EPHA3: variants seen among roughly 807,000 people sequenced by gnomAD.
The protein encoded by EPHA3 is EPH receptor A3, also known as ephrin type-A receptor 3.
EPHA3 carries 42 observed loss-of-function variants against 107.1 expected under a neutral mutation model. That is an observed-to-expected ratio of 0.39 (90% CI 0.31 to 0.51). The LOEUF (loss-of-function observed/expected upper bound fraction) is 0.51. Among genes scored for constraint, EPHA3 ranks in the 20% least tolerant of loss-of-function variants. The probability of loss-of-function intolerance (pLI) is 0.78; values close to 1 mark genes in which losing one functional copy is unlikely to be tolerated. For synonymous variants in EPHA3, 461 were observed against 424.8 expected (o/e 1.09, Z -1.05); for missense variants, 1,183 against 1,211.2 (o/e 0.98, Z 0.35).
At chr3:89,235,371 T>G (rs1403241764) in intron 3 of EPHA3, among the ~76,000 whole-genome samples, 2 of 152,190 alleles carry the variant, frequency 1.3e-5, no homozygotes, top group Non-Finnish European at 2.9e-5. Flanking sequence ...AATCTAGAGA[T>G]GTGAGCCTAA....
chr3:89,136,633 T>C (rs1704322430), intron 2 of EPHA3, among the ~76,000 whole-genome samples: 2 of 151,790 alleles, frequency 1.3e-5, no homozygotes, highest in Admixed American at 1.3e-4. Context: ...TCTTTTACTT[T>C]GATGTAAGCT....
intron 3 of EPHA3, among the ~76,000 whole-genome samples, chr3:89,240,642 T>A (rs1576257277): frequency 6.6e-6 from 1 of 152,054 alleles, no homozygotes; most frequent in Non-Finnish European, 1.5e-5. Flanking sequence ...TTTATGAGAT[T>A]TTTAATAAAA....
chr3:89,276,325 CA>C (rs1705804965), intron 3 of EPHA3, among the ~76,000 whole-genome samples: 1 of 152,064 alleles, frequency 6.6e-6, no homozygotes, highest in Non-Finnish European at 1.5e-5. Context: ...TTGTACTGTA[CA>C]GAATGAGGAT....
At position 89,347,826 on chromosome 3, in the gene EPHA3, A is replaced by C. The variant is rs1241470542; in HGVS notation, c.1306+5736A>C. Among the ~76,000 whole-genome samples, 27 of 150,780 alleles carry C rather than the reference A, an allele frequency of 1.8e-4. 1 individual carries two copies. The highest frequency in any genetic ancestry group is 3.6e-4 in the Non-Finnish European group (24 of 67,400). ...TTTATTGAGAGTTTTTAGCATGAAG[A>C]GTTGTTGAATTTTGTCAAAGGCTTT... On this transcript the variant is annotated intron_variant, in intron 5 of 16. Transcript: ENST00000336596.
intron 16 of EPHA3, among the ~76,000 whole-genome samples, chr3:89,474,210 A>G (rs936793569): frequency 9.9e-5 from 15 of 152,208 alleles, no homozygotes; most frequent in African/African-American, 3.4e-4. Flanking sequence ...ACATAAAGCC[A>G]AAGAAGGACT....
Position 89,220,155 on chromosome 3 carries a change from G to C in EPHA3, c.814+9635G>C, listed in dbSNP as rs529182357. On this transcript the variant is annotated intron_variant, in intron 3 of 16. Coordinates refer to ENST00000336596, the MANE Select transcript of EPHA3 (RefSeq NM_005233.6). ...ATGCAGACCAACATATAAATATGTA[G>C]TGGAAGGGTTGAGAAACTCTGGTCT... Among the ~76,000 whole-genome samples the C allele has an allele frequency of 9.9e-5, 15 of 152,142 alleles. No homozygotes were observed. In the South Asian group the frequency reaches 1.0e-3, roughly 10 times the overall value.
At chr3:89,311,075 G>T (rs1399874306) in intron 3 of EPHA3, among the ~76,000 whole-genome samples, 1 of 151,986 alleles carries the variant, frequency 6.6e-6, no homozygotes, top group African/African-American at 2.4e-5. Flanking sequence ...TAAATAAAAT[G>T]CTGGAGCGAT....
chr3:89,284,945 G>A (rs1174427393), intron 3 of EPHA3, among the ~76,000 whole-genome samples: 6 of 152,008 alleles, frequency 3.9e-5, no homozygotes, highest in African/African-American at 1.4e-4. Flanking sequence ...TGGCCAACAG[G>A]GTGAAACCCA....
intron 3 of EPHA3, among the ~76,000 whole-genome samples, chr3:89,211,134 G>A (rs1036062118): frequency 3.3e-5 from 5 of 151,946 alleles, no homozygotes; most frequent in Non-Finnish European, 2.9e-5. Context: ...GATTTGGCTC[G>A]TTTTAGTGCT....
chr3:89,346,573 G>C (rs1707661027), intron 5 of EPHA3, among the ~76,000 whole-genome samples: 1 of 149,508 alleles, frequency 6.7e-6, no homozygotes, highest in Non-Finnish European at 1.5e-5. Context: ...TAGGTTGCCT[G>C]TTCACTCTGA....
chr3:89,328,251 C>T (rs551911027), intron 3 of EPHA3, among the ~76,000 whole-genome samples: 21 of 152,210 alleles, frequency 1.4e-4, no homozygotes, highest in Non-Finnish European at 2.8e-4. Context: ...TTCCGTGTTT[C>T]GACTAATAAC....
intron 2 of EPHA3, among the ~76,000 whole-genome samples, chr3:89,184,979 A>C (rs1381369001): frequency 6.6e-6 from 1 of 152,056 alleles, no homozygotes; most frequent in Non-Finnish European, 1.5e-5. Context: ...TAAAATTAAA[A>C]AGCCAACTTC....
At chr3:89,445,686 C>A (rs1709865424) in intron 13 of EPHA3, among the ~76,000 whole-genome samples, 2 of 152,112 alleles carry the variant, frequency 1.3e-5, no homozygotes, top group African/African-American at 4.8e-5. Context: ...GCAACTGAAC[C>A]CTTGATATAG....
chr3:89,216,643 T>C (rs1040104208), intron 3 of EPHA3, among the ~76,000 whole-genome samples: 3 of 152,068 alleles, frequency 2.0e-5, no homozygotes, highest in African/African-American at 7.2e-5. Flanking sequence ...CGTGCCACTT[T>C]GTTAAACAAC....
intron 5 of EPHA3, among the ~76,000 whole-genome samples, chr3:89,390,594 C>T (rs1464256278): frequency 5.0e-4 from 56 of 111,994 alleles, no homozygotes; most frequent in Admixed American, 1.1e-4. Context: ...AGCGAGACTC[C>T]GTTTCCAAAA....
At chr3:89,272,284 T>TA (rs1034411789) in intron 3 of EPHA3, among the ~76,000 whole-genome samples, 8 of 151,204 alleles carry the variant, frequency 5.3e-5, no homozygotes, top group African/African-American at 1.7e-4. Context: ...GTATTACCAT[T>TA]TTTTTTTGGC....
chr3:89,349,527 G>A (rs1403034839), intron 5 of EPHA3, among the ~76,000 whole-genome samples: 1 of 149,476 alleles, frequency 6.7e-6, no homozygotes, highest in Admixed American at 6.7e-5. Flanking sequence ...CATGAGATGG[G>A]TTTCCTGAAT....
chr3:89,391,425 T>TC (rs944765332), intron 5 of EPHA3, among the ~76,000 whole-genome samples: 5 of 134,954 alleles, frequency 3.7e-5, no homozygotes, highest in Admixed American at 2.2e-4. Flanking sequence ...TCTTTTCTTT[T>TC]TTTTTTTTTT....
At chr3:89,230,679 C>G (rs1210635025) in intron 3 of EPHA3, among the ~76,000 whole-genome samples, 1 of 151,932 alleles carries the variant, frequency 6.6e-6, no homozygotes. Flanking sequence ...GATCAAGGTG[C>G]TATTTTTATA....
Sources: gnomAD v4.1 joint callset for allele counts (sites outside exome capture counted in the v4.1 genomes callset) on GRCh38, gnomAD v4.1.1 for gene constraint, MANE v1.5 for transcripts, NCBI Gene and HGNC (gene_info 2026-07-23, HGNC 2026-07-21) for gene names.